NR2F1-AS1: variants seen among roughly 807,000 people sequenced by gnomAD.
NR2F1-AS1 encodes the protein NR2F1 regulatory antisense RNA 1.
At chr5:93,565,216 G>C (rs1044160251) in intron 1 of NR2F1-AS1, among the ~76,000 whole-genome samples, 1 of 151,882 alleles carries the variant, frequency 6.6e-6, no homozygotes, top group Admixed American at 6.6e-5. Flanking sequence ...GTTTCATTTT[G>C]TTTCATATGG....
At chr5:93,476,797 T>G (rs1237988815) in intron 4 of NR2F1-AS1, among the ~76,000 whole-genome samples, 1 of 152,094 alleles carries the variant, frequency 6.6e-6, no homozygotes, top group African/African-American at 2.4e-5. Flanking sequence ...TCCTAACTCT[T>G]AGTTCATTAA....
At chr5:93,437,703 C>T (rs1749472684) in intron 4 of NR2F1-AS1, among the ~76,000 whole-genome samples, 1 of 152,130 alleles carries the variant, frequency 6.6e-6, no homozygotes, top group Non-Finnish European at 1.5e-5. Flanking sequence ...TATTAAGATT[C>T]TATCATGATG....
rs1751127642 is a variant in NR2F1-AS1 at position 93,503,619 on chromosome 5, ACCT to A, written n.638+50139_638+50141del. Among the ~76,000 whole-genome samples, 6 of 152,224 alleles carry A rather than the reference ACCT, an allele frequency of 3.9e-5. No individual in the cohort carries two copies. The South Asian group carries it at 1.2e-3, about 32-fold the overall frequency. ...TTGTACAACGTGGTTTAAACTAAAC[ACCT>A]CCTCTCTTTCTGAGAGTCTGGAATT... On this transcript the variant is annotated intron_variant and non_coding_transcript_variant, in intron 4 of 5. Transcript: ENST00000660523.
upstream of NR2F1-AS1, chr5:93,585,179 G>A: frequency 6.9e-7 from 1 of 1,452,842 alleles, no homozygotes. Context: ...CGCACACGCC[G>A]CAGACCCCGG....
chr5:93,557,211 G>C (rs1285099080), intron 2 of NR2F1-AS1, among the ~76,000 whole-genome samples: 1 of 152,210 alleles, frequency 6.6e-6, no homozygotes, highest in Non-Finnish European at 1.5e-5. Flanking sequence ...AATGCGTAGA[G>C]CTGCTTCGTG....
intron 4 of NR2F1-AS1, among the ~76,000 whole-genome samples, chr5:93,552,359 C>T (rs1036351412): frequency 8.6e-5 from 13 of 151,944 alleles, no homozygotes; most frequent in Non-Finnish European, 1.6e-4. Flanking sequence ...TGAATGAAGC[C>T]AAAAGTGCAA....
intron 4 of NR2F1-AS1, among the ~76,000 whole-genome samples, chr5:93,509,547 T>C (rs1386133924): frequency 6.6e-6 from 1 of 151,992 alleles, no homozygotes; most frequent in Non-Finnish European, 1.5e-5. Context: ...GAAGAATACA[T>C]ACCAACTTCA....
chr5:93,545,144 T>C (rs1457157317), intron 4 of NR2F1-AS1, among the ~76,000 whole-genome samples: 1 of 152,174 alleles, frequency 6.6e-6, no homozygotes, highest in Non-Finnish European at 1.5e-5. Flanking sequence ...TAAGTCCCTA[T>C]AGAGTTAAGA....
chr5:93,452,266 A>G (rs1749847321), intron 4 of NR2F1-AS1, among the ~76,000 whole-genome samples: 2 of 152,238 alleles, frequency 1.3e-5, no homozygotes, highest in African/African-American at 2.4e-5. Context: ...AGGATTAACT[A>G]TGAGAACTGC....
At chr5:93,522,261 C>A (rs111502368) in intron 4 of NR2F1-AS1, among the ~76,000 whole-genome samples, 4 of 152,156 alleles carry the variant, frequency 2.6e-5, no homozygotes, top group African/African-American at 9.6e-5. Flanking sequence ...GGGTATTGGA[C>A]TTAATATCTG....
At chr5:93,504,379 T>C (rs1580283617) in intron 4 of NR2F1-AS1, among the ~76,000 whole-genome samples, 2 of 152,266 alleles carry the variant, frequency 1.3e-5, no homozygotes, top group East Asian at 3.9e-4. Flanking sequence ...GTCAAAAATA[T>C]GATGAAAACC....
At chr5:93,543,695 T>C (rs567613836) in intron 4 of NR2F1-AS1, 3 of 152,334 alleles carry the variant, frequency 2.0e-5, no homozygotes, top group African/African-American at 4.8e-5. Flanking sequence ...TTACAAACTT[T>C]TTTAACATCT....
At chr5:93,480,411 CA>C (rs1217938817) in intron 4 of NR2F1-AS1, among the ~76,000 whole-genome samples, 1 of 152,052 alleles carries the variant, frequency 6.6e-6, no homozygotes, top group African/African-American at 2.4e-5. Flanking sequence ...AATTTATATA[CA>C]GCAAAATACT....
chr5:93,499,518 C>T (rs547261564), intron 4 of NR2F1-AS1, among the ~76,000 whole-genome samples: 4 of 152,240 alleles, frequency 2.6e-5, no homozygotes, highest in East Asian at 1.9e-4. Flanking sequence ...TGAGGCACCA[C>T]GGACCATGCC....
chr5:93,492,644 C>T (rs1750875631), intron 4 of NR2F1-AS1, among the ~76,000 whole-genome samples: 1 of 152,116 alleles, frequency 6.6e-6, no homozygotes, highest in South Asian at 2.1e-4. Flanking sequence ...CAACAAAATA[C>T]TGGCAAACCA....
chr5:93,431,572 C>T (rs182570411), intron 4 of NR2F1-AS1, among the ~76,000 whole-genome samples: 5 of 152,266 alleles, frequency 3.3e-5, no homozygotes, highest in African/African-American at 1.2e-4. Flanking sequence ...GCCAGATTTC[C>T]ATGTCATACA....
intron 4 of NR2F1-AS1, among the ~76,000 whole-genome samples, chr5:93,489,432 T>TA (rs1435936908): frequency 2.0e-5 from 3 of 151,604 alleles, no homozygotes; most frequent in Admixed American, 6.6e-5. Flanking sequence ...TATATATATA[T>TA]TTTTAGGCAT....
At chr5:93,516,777 T>C (rs1198423772) in intron 4 of NR2F1-AS1, among the ~76,000 whole-genome samples, 2 of 151,934 alleles carry the variant, frequency 1.3e-5, no homozygotes, top group African/African-American at 4.8e-5. Flanking sequence ...ACACCAAATA[T>C]TAAACTAGCA....
chr5:93,495,108 T>C (rs909999453), intron 4 of NR2F1-AS1, among the ~76,000 whole-genome samples: 1 of 152,134 alleles, frequency 6.6e-6, no homozygotes, highest in Non-Finnish European at 1.5e-5. Context: ...ACTTATACAA[T>C]TTGGTGTGGT....
Sources: allele counts gnomAD v4.1 joint callset (sites outside exome capture counted in the v4.1 genomes callset), GRCh38; gene constraint gnomAD v4.1.1; transcripts MANE v1.5; gene names NCBI Gene and HGNC (gene_info 2026-07-23, HGNC 2026-07-21).